Variants in ERICH6B observed in about 807,000 individuals in gnomAD.
ERICH6B encodes glutamate rich 6B.
ERICH6B carries 69 observed loss-of-function variants against 80.0 expected under a neutral mutation model. That is an observed-to-expected ratio of 0.86 (90% CI 0.71 to 1.05). The LOEUF is 1.05. Among genes scored for constraint, ERICH6B ranks in the 50% least tolerant of loss-of-function variants. The pLI is 0.00. For synonymous variants in ERICH6B, 283 were observed against 291.9 expected (o/e 0.97, Z 0.31); for missense variants, 754 against 796.1 (o/e 0.95, Z 0.64).
chr13:45,563,055 A>G (rs1487731016), intron 10 of ERICH6B, among the ~76,000 whole-genome samples: 1 of 152,228 alleles, frequency 6.6e-6, no homozygotes, highest in Non-Finnish European at 1.5e-5. Context: ...GAATGAAGAT[A>G]GCTTAGTCCC....
chr13:45,612,462 T>C (rs1949905086), intron 1 of ERICH6B, among the ~76,000 whole-genome samples: 1 of 152,200 alleles, frequency 6.6e-6, no homozygotes, highest in Admixed American at 6.5e-5. Flanking sequence ...AAAGAAATCA[T>C]CTGTAAGGGG....
chr13:45,607,504 T>A (rs1949874971), intron 2 of ERICH6B, 60 bp downstream of exon 2: 1 of 152,288 alleles, frequency 6.6e-6, no homozygotes, highest in South Asian at 2.1e-4. Flanking sequence ...AAATCATGAC[T>A]GTGTAATCTT....
intron 2 of ERICH6B, among the ~76,000 whole-genome samples, chr13:45,600,233 C>G (rs951671630): frequency 3.3e-5 from 5 of 152,224 alleles, no homozygotes; most frequent in Admixed American, 1.3e-4. Context: ...TAAGACAGAG[C>G]TGGGATGGCT....
chr13:45,546,357 GCCTGGGTTCGT>G (rs1873989405), intron 13 of ERICH6B, among the ~76,000 whole-genome samples: 1 of 152,214 alleles, frequency 6.6e-6, no homozygotes, highest in Non-Finnish European at 1.5e-5. Context: ...CGATGCTGAG[GCCTGGGTTCGT>G]CTGGAGAAGG....
chr13:45,565,757 C>A (rs1392622770), intron 9 of ERICH6B, among the ~76,000 whole-genome samples: 1 of 152,186 alleles, frequency 6.6e-6, no homozygotes, highest in East Asian at 1.9e-4. Flanking sequence ...GTAAATTGCC[C>A]AGTCTTGGGC....
intron 11 of ERICH6B, among the ~76,000 whole-genome samples, chr13:45,558,306 G>C (rs2137971771): frequency 6.6e-6 from 1 of 152,254 alleles, no homozygotes; most frequent in Middle Eastern, 3.4e-3. Context: ...AACTTTGCTG[G>C]ATTAATTTAT....
chr13:45,600,919 C>A (rs539693420), intron 2 of ERICH6B, among the ~76,000 whole-genome samples: 4 of 152,228 alleles, frequency 2.6e-5, no homozygotes, highest in South Asian at 2.1e-4. Context: ...TAGCAAGAAG[C>A]CTGCTAAGTC....
chr13:45,575,954 A>T (rs1875382548), intron 7 of ERICH6B, among the ~76,000 whole-genome samples: 1 of 152,170 alleles, frequency 6.6e-6, no homozygotes, highest in African/African-American at 2.4e-5. Flanking sequence ...TCAGCTTCTG[A>T]TGACACCAGC....
At chr13:45,583,232 A>C (rs17066941) in intron 5 of ERICH6B, among the ~76,000 whole-genome samples, 9,562 of 152,306 alleles carry the variant, frequency 0.063, 701 homozygotes, top group African/African-American at 0.18. Context: ...CTGAATCATT[A>C]ATCAGCACTA....
At chr13:45,590,147 C>A (rs1425254508) in intron 4 of ERICH6B, among the ~76,000 whole-genome samples, 1 of 151,754 alleles carries the variant, frequency 6.6e-6, no homozygotes, top group Non-Finnish European at 1.5e-5. Flanking sequence ...ACGTAGCAGG[C>A]CCAGCATATT....
chr13:45,589,605 G>C (rs1274444757), intron 4 of ERICH6B, among the ~76,000 whole-genome samples: 2 of 152,172 alleles, frequency 1.3e-5, no homozygotes, highest in Non-Finnish European at 2.9e-5. Context: ...AGATTAAGTG[G>C]CTGCCCTGTA....
chr13:45,545,370 C>T (rs529514762), intron 13 of ERICH6B, among the ~76,000 whole-genome samples: 11 of 152,316 alleles, frequency 7.2e-5, no homozygotes, highest in African/African-American at 1.4e-4. Context: ...TGGTTCCCTA[C>T]GGGACTCTGT....
In ERICH6B at chr13:45,590,634, A is replaced by G. The variant is rs1243199851; in HGVS notation, c.686+15T>C. ...AGGAGTTTCCACCTGATTTATCCCA[A>G]AAGAAAACTGTTACCTTGCATCACG... On this transcript the variant is annotated intron_variant, in intron 4 of 14. Coordinates refer to ENST00000298738, the MANE Select transcript of ERICH6B (RefSeq NM_182542.3). The G allele has an allele frequency of 5.2e-6, 8 of 1,551,004 alleles. No individual in the cohort carries two copies. In the Admixed American group the frequency reaches 1.6e-4, roughly 30 times the overall value.
At position 45,606,547 on chromosome 13, in the gene ERICH6B, A is replaced by ATTT. The variant is rs71074722; in HGVS notation, c.-59+1014_-59+1016dup. On this transcript the variant is annotated intron_variant, in intron 2 of 14. Coordinates refer to ENST00000298738, the MANE Select transcript of ERICH6B (RefSeq NM_182542.3). ...TATATATATATATATATATATATATATTTTTTTTTTTTTTTTTTTTTTTGG... is the reference window on the plus strand; with the variant it reads ...TATATATATATATATATATATATATATTTTTTTTTTTTTTTTTTTTTTTTTTGG... Among the ~76,000 whole-genome samples the ATTT allele has an allele frequency of 5.2e-3, 86 of 16,550 alleles. 5 individuals carry two copies. Among genetic ancestry groups the ATTT allele is most frequent in the South Asian group, 8.9e-3 (3 of 338 alleles). The allele number at this position is 16,550 out of a possible 152,430, so 10.9% of individuals were successfully genotyped here. A position where few individuals can be genotyped will look rare whatever the true frequency, so the allele number is the denominator to read the frequency against.
chr13:45,545,291 C>T (rs111686440), intron 13 of ERICH6B, among the ~76,000 whole-genome samples: 5 of 152,328 alleles, frequency 3.3e-5, no homozygotes, highest in African/African-American at 9.6e-5. Context: ...CCCCAGGTGG[C>T]ATGGCTGGTG....
At chr13:45,599,419 G>A (rs911499523) in intron 2 of ERICH6B, among the ~76,000 whole-genome samples, 2 of 152,134 alleles carry the variant, frequency 1.3e-5, no homozygotes, top group African/African-American at 4.8e-5. Context: ...AATTGAATTG[G>A]TTTTTATTCA....
intron 8 of ERICH6B, among the ~76,000 whole-genome samples, chr13:45,568,908 T>C (rs1235984673): frequency 6.6e-6 from 1 of 152,228 alleles, no homozygotes; most frequent in Admixed American, 6.5e-5. Flanking sequence ...ACAATTATCT[T>C]CTTTTTTCAA....
At chr13:45,574,449 T>C (rs914557432) in intron 8 of ERICH6B, among the ~76,000 whole-genome samples, 6 of 152,192 alleles carry the variant, frequency 3.9e-5, no homozygotes, top group African/African-American at 1.4e-4. Context: ...TGGGAACAGC[T>C]GGGGAGAGCA....
intron 1 of ERICH6B, among the ~76,000 whole-genome samples, chr13:45,610,467 G>C (rs779239803): frequency 8.5e-5 from 13 of 152,136 alleles, no homozygotes; most frequent in African/African-American, 1.2e-4. Context: ...CTCCTGCATG[G>C]TGTGGCCAGC....
Sources: gnomAD v4.1 joint callset for allele counts (sites outside exome capture counted in the v4.1 genomes callset) on GRCh38, gnomAD v4.1.1 for gene constraint, MANE v1.5 for transcripts, NCBI Gene and HGNC (gene_info 2026-07-23, HGNC 2026-07-21) for gene names.